DDX42: variants seen among roughly 807,000 people sequenced by gnomAD.
The protein encoded by DDX42 is DEAD-box helicase 42.
Under a neutral mutation model 101.5 loss-of-function variants are expected in DDX42, and 22 were observed. That is an observed-to-expected ratio of 0.22 (90% CI 0.15 to 0.31). DDX42 has a LOEUF of 0.31. Among genes scored for constraint, DDX42 ranks in the 10% least tolerant of loss-of-function variants. DDX42 has a pLI of 1.00. For missense variants in DDX42, 849 were observed against 1,199.9 expected (o/e 0.71, Z 4.32); for synonymous variants, 402 against 401.2 (o/e 1.00, Z -0.02).
intron 12 of DDX42, 34 bp from the exon 13 acceptor site, chr17:63,811,042 T>C (rs772967042): frequency 1.9e-6 from 3 of 1,581,136 alleles, no homozygotes; most frequent in Middle Eastern, 1.7e-4. Flanking sequence ...AGATATCATA[T>C]TGTTTCTCTA....
chr17:63,813,984 C>T (rs867804492), intron 15 of DDX42, among the ~76,000 whole-genome samples: 1 of 152,096 alleles, frequency 6.6e-6, no homozygotes, highest in African/African-American at 2.4e-5. Context: ...TGATTACAGG[C>T]GCCCACCACC....
intron 2 of DDX42, 94 bp from the exon 3 acceptor site, chr17:63,792,318 A>G: frequency 1.5e-6 from 2 of 1,356,568 alleles, no homozygotes; most frequent in Non-Finnish European, 2.0e-6. Flanking sequence ...ATCTCCTAAT[A>G]ATAAGATATA....
Position 63,819,164 on chromosome 17 carries a change from A to G in DDX42, c.*766A>G, listed in dbSNP as rs542083520. On this transcript the variant is annotated 3_prime_UTR_variant, in exon 18 of 18. Coordinates refer to ENST00000389924, the MANE Select transcript of DDX42 (RefSeq NM_203499.3). The stretch of plus-strand genomic sequence containing the variant: ...TTTTTAACTTGCCCCAATGATAGAA[A>G]AGTCTTTTGCTGAAATGATTTTGAT... 6.6e-6 allele frequency: 1 copy of G among 152,606 alleles called. No individual in the cohort carries two copies. Among genetic ancestry groups the G allele is most frequent in the Non-Finnish European group, 1.5e-5 (1 of 68,046 alleles). The allele number at this position is 152,606 out of a possible 1,614,324, so 9.5% of individuals were successfully genotyped here.
chr17:63,783,626 G>A (rs1005795998), intron 1 of DDX42, among the ~76,000 whole-genome samples: 1 of 152,204 alleles, frequency 6.6e-6, no homozygotes, highest in Admixed American at 6.5e-5. Context: ...GACAGCAGGA[G>A]ATGAAGTTCA....
chr17:63,789,571 G>GTTTTTT (rs538515067), intron 2 of DDX42, among the ~76,000 whole-genome samples: 77 of 45,646 alleles, frequency 1.7e-3, no homozygotes, highest in East Asian at 3.7e-3. Context: ...TTTTGTTTTT[G>GTTTTTT]TTTTTTTTTT....
At chr17:63,816,634 A>G in intron 16 of DDX42, 1 of 371,194 alleles carries the variant, frequency 2.7e-6, no homozygotes, top group Non-Finnish European at 4.8e-6. Context: ...GCATAATCTG[A>G]TTGCATTTCT....
At position 63,817,858 on chromosome 17, in the gene DDX42, C is replaced by T. The variant is rs777054756; in HGVS notation, c.2277C>T (p.Ala759=). ...HNSPDSPVTS[A]AKGIPGFGNT... ...GTCCTGACAGCCCCGTCACCAGTGC[C>T]GCCAAGGGCATCCCAGGCTTTGGCA... The change falls in exon 18 of 18, where the codon GCC becomes GCT. Residue 759 remains alanine (A), a synonymous_variant. Coordinates refer to ENST00000389924, the MANE Select transcript of DDX42 (RefSeq NM_203499.3). The T allele has an allele frequency of 8.7e-6, 14 of 1,614,200 alleles. No homozygotes were observed. The highest frequency in any genetic ancestry group is 7.7e-5 in the South Asian group (7 of 91,082).
At chr17:63,817,338 C>G (rs900084245) in intron 17 of DDX42, 2 of 328,478 alleles carry the variant, frequency 6.1e-6, no homozygotes, top group African/African-American at 4.2e-5. Flanking sequence ...AGAATGAGTT[C>G]AAGGCAGGTT....
At position 63,817,903 on chromosome 17, in the gene DDX42, T is replaced by C; in HGVS notation, c.2322T>C (p.Gly774=). ...PGFGNTGNIS[G]APVTYPSAGA... is the part of the protein sequence containing the mutation. ...TTGGCAATACTGGCAACATCAGTGGTGCCCCTGTGACCTACCCGTCTGCCG... is the reference window on the plus strand; with the variant it reads ...TTGGCAATACTGGCAACATCAGTGGCGCCCCTGTGACCTACCCGTCTGCCG... The change falls in exon 18 of 18, where the codon GGT becomes GGC. Residue 774 remains glycine (G), a synonymous_variant. Transcript: ENST00000389924. 1.9e-6 allele frequency: 3 copies of C among 1,614,156 alleles called. No individual in the cohort carries two copies. Among genetic ancestry groups the C allele is most frequent in the Non-Finnish European group, 2.5e-6 (3 of 1,180,022 alleles).
intron 8 of DDX42, among the ~76,000 whole-genome samples, chr17:63,807,202 G>A (rs142333330): frequency 0.034 from 5,215 of 152,136 alleles, 317 homozygotes; most frequent in African/African-American, 0.12. Context: ...GTGCAGTGGC[G>A]CGATCTTGGC....
At chr17:63,813,509 A>C in intron 15 of DDX42, 55 bp downstream of exon 15, 1 of 1,519,376 alleles carries the variant, frequency 6.6e-7, no homozygotes, top group Non-Finnish European at 9.1e-7. Flanking sequence ...AAGACATTTT[A>C]GCAGTCCTGG....
chr17:63,807,957 A>G, intron 9 of DDX42, 57 bp downstream of exon 9: 2 of 1,521,430 alleles, frequency 1.3e-6, no homozygotes, highest in East Asian at 2.3e-5. Flanking sequence ...GGGACCAGCC[A>G]GTCAAGTGAG....
Position 63,800,230 on chromosome 17 carries a change from G to A in DDX42, c.472-238G>A, listed in dbSNP as rs1175292313. Reference sequence around the variant, plus strand: ...GGAAGGCTGTGGAACAGACAGATTTGTAAGTCTTCTATTAAACAAGTTGCA... The same window carrying A: ...GGAAGGCTGTGGAACAGACAGATTTATAAGTCTTCTATTAAACAAGTTGCA... On this transcript the variant is annotated intron_variant, in intron 5 of 17. Transcript: ENST00000389924. The A allele has an allele frequency of 9.5e-6, 4 of 420,074 alleles. No homozygotes were observed. The Admixed American group carries it at 1.2e-4, about 13-fold the overall frequency. The allele number at this position is 420,074 out of a possible 1,614,324, so 26.0% of individuals were successfully genotyped here.
chr17:63,787,908 T>TTTG (rs199660531), intron 2 of DDX42, among the ~76,000 whole-genome samples: 4,551 of 129,380 alleles, frequency 0.035, 271 homozygotes, highest in African/African-American at 0.15. Context: ...TCATGTGGTT[T>TTTG]TTTTTTTTTT....
intron 1 of DDX42, chr17:63,775,023 A>G (rs2144511733): frequency 6.5e-6 from 1 of 152,774 alleles, no homozygotes; most frequent in South Asian, 2.1e-4. Context: ...TCCTATAGGC[A>G]GTTATCCAAT....
intron 2 of DDX42, among the ~76,000 whole-genome samples, chr17:63,788,080 T>C (rs2039570857): frequency 2.6e-5 from 4 of 151,692 alleles, no homozygotes; most frequent in Admixed American, 2.6e-4. Flanking sequence ...AATTTTTGTA[T>C]TATTAGTAGA....
intron 1 of DDX42, among the ~76,000 whole-genome samples, chr17:63,783,465 TG>T (rs1436179867): frequency 2.0e-5 from 3 of 152,200 alleles, no homozygotes; most frequent in Non-Finnish European, 4.4e-5. Context: ...TTTTGTTGCT[TG>T]GGAACACCTC....
chr17:63,817,074 A>AT (rs2039985755), intron 17 of DDX42, 108 bp downstream of exon 17: 2 of 822,978 alleles, frequency 2.4e-6, no homozygotes. Flanking sequence ...TTGATGCTAG[A>AT]TTTAGGGTCT....
At position 63,816,984 on chromosome 17, in the gene DDX42, C is replaced by T; in HGVS notation, c.2112+18C>T. 1 of 1,605,820 alleles carries T rather than the reference C, an allele frequency of 6.2e-7. No homozygotes were observed. The highest frequency in any genetic ancestry group is 8.5e-7 in the Non-Finnish European group (1 of 1,173,932). ...CTTTCCAGGTCTGAAATAAGCATTT[C>T]ATTAAAAGCACTTTCAGCAGTAACT... On this transcript the variant is annotated intron_variant, in intron 17 of 17. Coordinates refer to ENST00000389924, the MANE Select transcript of DDX42 (RefSeq NM_203499.3).
Sources: gnomAD v4.1 joint callset for allele counts (sites outside exome capture counted in the v4.1 genomes callset) on GRCh38, gnomAD v4.1.1 for gene constraint, MANE v1.5 for transcripts, NCBI Gene and HGNC (gene_info 2026-07-23, HGNC 2026-07-21) for gene names.